FAR2: variants seen among roughly 807,000 people sequenced by gnomAD.
FAR2 encodes epididymis secretory protein Li 81.
FAR2 carries 19 observed loss-of-function variants against 56.0 expected under a neutral mutation model. The ratio of observed to expected loss-of-function variants is 0.34; its 90% confidence interval spans 0.24 to 0.50. The LOEUF is 0.50. Among genes scored for constraint, FAR2 ranks in the 20% least tolerant of loss-of-function variants. The pLI is 0.98. For synonymous variants in FAR2, 219 were observed against 218.8 expected (o/e 1.00, Z -0.01); for missense variants, 508 against 642.2 (o/e 0.79, Z 2.26).
chr12:29,307,731 A>G lies in FAR2; in HGVS notation c.619A>G (p.Thr207Ala). ...IRDWPNIYTY[T>A]KALGEMVVQQ... The stretch of plus-strand genomic sequence containing the variant: ...AGATTGGCCCAATATTTATACCTAC[A>G]CCAAGGCCTTGGGAGAAATGGTGGT... The change falls in exon 5 of 12, where the codon ACC becomes GCC. Residue 207 changes from threonine (T) to alanine (A), a missense_variant. By Grantham distance (58) the Thr-to-Ala change is moderately conservative. Coordinates refer to ENST00000536681, the MANE Select transcript of FAR2 (RefSeq NM_001271783.2). The G allele has an allele frequency of 6.2e-7, 1 of 1,613,838 alleles. No homozygotes were observed. Among genetic ancestry groups the G allele is most frequent in the Non-Finnish European group, 8.5e-7 (1 of 1,179,886 alleles).
chr12:29,240,356 C>T (rs1948007744), intron 1 of FAR2, among the ~76,000 whole-genome samples: 2 of 152,122 alleles, frequency 1.3e-5, no homozygotes, highest in South Asian at 4.1e-4. Flanking sequence ...TGCAATTCTT[C>T]CTCTCCCTGC....
rs1426011626 is a variant in FAR2, at chr12:29,335,006, AT to A, written c.*1213del. ...TTCCTCATATTTGAGAGATGAGTAC[AT>A]GTTGGATTGCAGCATTTCTTCATGT... On this transcript the variant is annotated 3_prime_UTR_variant, in exon 12 of 12. Coordinates refer to ENST00000536681, the MANE Select transcript of FAR2 (RefSeq NM_001271783.2). The A allele has an allele frequency of 6.6e-6, 1 of 152,188 alleles. No homozygotes were observed. Among genetic ancestry groups the A allele is most frequent in the Non-Finnish European group, 1.5e-5 (1 of 68,020 alleles). The allele number at this position is 152,188 out of a possible 1,614,324, so 9.4% of individuals were successfully genotyped here. A position where few individuals can be genotyped will look rare whatever the true frequency, so the allele number is the denominator to read the frequency against.
At position 29,289,112 on chromosome 12, in the gene FAR2, C is replaced by T. The variant is rs574882368; in HGVS notation, c.190-4188C>T. Among the ~76,000 whole-genome samples the T allele has an allele frequency of 5.3e-5, 8 of 152,202 alleles. No homozygotes were observed. The East Asian group carries it at 1.4e-3, about 26-fold the overall frequency. The stretch of plus-strand genomic sequence containing the variant: ...CAATATTGTTAAAATGTCCATACTA[C>T]CATCCAAAGCAGTGTACAGATTCAG... On this transcript the variant is annotated intron_variant, in intron 2 of 11. Transcript: ENST00000536681.
intron 1 of FAR2, among the ~76,000 whole-genome samples, chr12:29,229,262 C>T (rs528065742): frequency 3.9e-5 from 6 of 152,172 alleles, no homozygotes; most frequent in East Asian, 3.9e-4. Context: ...TAGATCCTTA[C>T]GAAAAACTGA....
chr12:29,317,543 T>A (rs571293662), intron 9 of FAR2, among the ~76,000 whole-genome samples: 1 of 152,260 alleles, frequency 6.6e-6, no homozygotes, highest in African/African-American at 2.4e-5. Flanking sequence ...ACAAAAGACA[T>A]TAAAAATGTT....
chr12:29,186,398 A>G (rs891389255), intron 1 of FAR2, among the ~76,000 whole-genome samples: 1 of 152,188 alleles, frequency 6.6e-6, no homozygotes, highest in Non-Finnish European at 1.5e-5. Flanking sequence ...TGTCATAGAG[A>G]CAGGAGATTG....
At chr12:29,207,762 A>C (rs1366197566) in intron 1 of FAR2, among the ~76,000 whole-genome samples, 1 of 152,222 alleles carries the variant, frequency 6.6e-6, no homozygotes, top group East Asian at 1.9e-4. Context: ...AAAAGGAAAT[A>C]TTTCAGCTTA....
intron 1 of FAR2, among the ~76,000 whole-genome samples, chr12:29,186,759 T>TTTA (rs1276848701): frequency 1.8e-3 from 34 of 18,420 alleles, no homozygotes; most frequent in East Asian, 0.014. Context: ...TTATTTATTA[T>TTTA]TTATTTATTT....
At chr12:29,316,783 C>T in intron 8 of FAR2, 58 bp from the exon 9 acceptor site, 1 of 1,544,520 alleles carries the variant, frequency 6.5e-7, no homozygotes, top group Non-Finnish European at 8.9e-7. Flanking sequence ...ATGCTTTCCA[C>T]TATGATGGAC....
chr12:29,305,009 G>A (rs528215265), intron 4 of FAR2, among the ~76,000 whole-genome samples: 1 of 152,174 alleles, frequency 6.6e-6, no homozygotes, highest in South Asian at 2.1e-4. Flanking sequence ...CCAACCAGTG[G>A]ATGTGCATGT....
chr12:29,272,595 T>A (rs935707397), intron 2 of FAR2, among the ~76,000 whole-genome samples: 1 of 152,240 alleles, frequency 6.6e-6, no homozygotes, highest in Non-Finnish European at 1.5e-5. Context: ...TAGCTCATCA[T>A]AGTTTTATAT....
chr12:29,229,519 G>GA (rs199898481), intron 1 of FAR2, among the ~76,000 whole-genome samples: 1,683 of 150,086 alleles, frequency 0.011, 38 homozygotes, highest in African/African-American at 0.039. Flanking sequence ...AGAAACTAAA[G>GA]AAAAAAAAAG....
chr12:29,291,574 C>A (rs1948968333), intron 2 of FAR2: 1 of 417,500 alleles, frequency 2.4e-6, no homozygotes, highest in Non-Finnish European at 4.8e-6. Context: ...GTGTGAAATA[C>A]AGATTCCTGG....
At chr12:29,204,675 A>G (rs1055958857) in intron 1 of FAR2, among the ~76,000 whole-genome samples, 1 of 152,098 alleles carries the variant, frequency 6.6e-6, no homozygotes, top group Non-Finnish European at 1.5e-5. Flanking sequence ...ATGTGCAGGA[A>G]GCATATTGGC....
At chr12:29,316,715 AT>A (rs1949456297) in intron 8 of FAR2, 125 bp from the exon 9 acceptor site, 2 of 941,224 alleles carry the variant, frequency 2.1e-6, no homozygotes, top group Non-Finnish European at 3.2e-6. Flanking sequence ...GTTCTCAGAA[AT>A]TGATTCTTGA....
At chr12:29,330,839 G>A (rs953421604) in intron 10 of FAR2, among the ~76,000 whole-genome samples, 2 of 151,930 alleles carry the variant, frequency 1.3e-5, no homozygotes, top group Non-Finnish European at 2.9e-5. Flanking sequence ...TCTAAGCCTC[G>A]ATCAAAGACT....
intron 1 of FAR2, among the ~76,000 whole-genome samples, chr12:29,173,038 T>TTTA (rs1949903544): frequency 6.6e-6 from 1 of 152,192 alleles, no homozygotes; most frequent in African/African-American, 2.4e-5. Context: ...AAAGCTGCAT[T>TTTA]CTTTTAACTA....
intron 1 of FAR2, among the ~76,000 whole-genome samples, chr12:29,196,390 C>T (rs1393631460): frequency 1.3e-5 from 2 of 152,068 alleles, no homozygotes; most frequent in African/African-American, 4.8e-5. Context: ...TTCTGACTGG[C>T]ACCTGGTGAT....
chr12:29,281,742 TAA>T (rs71042976), intron 2 of FAR2, among the ~76,000 whole-genome samples: 4,814 of 143,404 alleles, frequency 0.034, 102 homozygotes, highest in East Asian at 0.076. Context: ...CAACATCACC[TAA>T]AAAAAAAAAA....
Sources: allele counts gnomAD v4.1 joint callset (sites outside exome capture counted in the v4.1 genomes callset), GRCh38; gene constraint gnomAD v4.1.1; transcripts MANE v1.5; gene names NCBI Gene and HGNC (gene_info 2026-07-23, HGNC 2026-07-21).